Variants in PEX11G observed in about 807,000 individuals in gnomAD.
The protein encoded by PEX11G is peroxisomal biogenesis factor 11 gamma.
In PEX11G, 20 loss-of-function variants were observed where a neutral mutation model predicts 22.5. That is an observed-to-expected ratio of 0.89 (90% CI 0.62 to 1.29). The LOEUF is 1.29. PEX11G is among the 50% of genes most tolerant of loss of function. The probability of loss-of-function intolerance (pLI) is 0.00; values close to 1 mark genes in which losing one functional copy is unlikely to be tolerated. For missense variants in PEX11G, 347 were observed against 331.3 expected, an observed-to-expected ratio of 1.05 and a Z score of -0.37; for synonymous variants, 141 against 154.5, an observed-to-expected ratio of 0.91 and a Z score of 0.65.
rs115954471 is a variant in PEX11G at position 7,487,946 on chromosome 19, T to C, written c.60+1005A>G. Among the ~76,000 whole-genome samples the C allele has an allele frequency of 3.8e-3, 575 of 152,282 alleles. 3 individuals are homozygous for C. The highest frequency in any genetic ancestry group is 0.013 in the African/African-American group (545 of 41,554). ...CACCGCCTGGTACAACCTGAATGTC[T>C]ACCTATAAGAGACTGGTGGGGACAA... On this transcript the variant is annotated intron_variant, in intron 1 of 4. Coordinates refer to ENST00000221480, the MANE Select transcript of PEX11G (RefSeq NM_080662.4).
chr19:7,484,405 A>T (rs541496923), intron 2 of PEX11G, among the ~76,000 whole-genome samples: 5 of 152,020 alleles, frequency 3.3e-5, no homozygotes, highest in African/African-American at 1.2e-4. Context: ...CGTTAAGTGA[A>T]AAAAGCACTG....
chr19:7,484,284 G>A (rs576816405), intron 2 of PEX11G, among the ~76,000 whole-genome samples: 1 of 152,122 alleles, frequency 6.6e-6, no homozygotes, highest in African/African-American at 2.4e-5. Context: ...AGCCCGGGAA[G>A]TCAAGGCTGC....
At chr19:7,493,757 A>G (rs113552283), upstream of PEX11G, among the ~76,000 whole-genome samples, 16,935 of 151,422 alleles carry the variant, frequency 0.11, 1,661 homozygotes, top group African/African-American at 0.26. Context: ...TGTAATCCCA[A>G]TACTTTGGGA....
intron 1 of PEX11G, 74 bp from the exon 2 acceptor site, chr19:7,486,100 C>G: frequency 7.5e-7 from 1 of 1,327,394 alleles, no homozygotes; most frequent in Non-Finnish European, 1.0e-6. Flanking sequence ...CATACCTGGC[C>G]CCGGGCCCCG....
At chr19:7,493,506 TC>T (rs2021925413), upstream of PEX11G, among the ~76,000 whole-genome samples, 1 of 147,352 alleles carries the variant, frequency 6.8e-6, no homozygotes. Context: ...CTTTTTTTTT[TC>T]TTCTTGTTTG....
chr19:7,482,241 G>T (rs1003133757), intron 2 of PEX11G, 30 bp from the exon 3 acceptor site: 5 of 1,534,886 alleles, frequency 3.3e-6, no homozygotes, highest in Non-Finnish European at 2.6e-6. Context: ...GGGGGCCTAG[G>T]GTCAGACTTA....
At chr19:7,493,938 C>T (rs540700469), upstream of PEX11G, among the ~76,000 whole-genome samples, 74 of 149,690 alleles carry the variant, frequency 4.9e-4, no homozygotes, top group Middle Eastern at 3.5e-3. Context: ...GTCAGAGTCT[C>T]GCTCTGTCAC....
chr19:7,479,915 G>A (rs957486504), intron 3 of PEX11G, among the ~76,000 whole-genome samples: 51 of 152,110 alleles, frequency 3.4e-4, no homozygotes, highest in African/African-American at 1.2e-3. Context: ...GGGGTATATG[G>A]GAGCTCTCTG....
chr19:7,476,966 C>T lies in PEX11G; in HGVS notation c.*236G>A. On this transcript the variant is annotated 3_prime_UTR_variant, in exon 5 of 5. Transcript: ENST00000221480. ...CTCATCTTGATTTGGATACAAGACG[C>T]CAGCTGGCAGGCAGGAGGTGCTGCT... The T allele has an allele frequency of 2.4e-6, 1 of 413,038 alleles. No homozygotes were observed. The highest frequency in any genetic ancestry group is 4.3e-6 in the Non-Finnish European group (1 of 234,594). The allele number at this position is 413,038 out of a possible 1,614,324, so 25.6% of individuals were successfully genotyped here.
chr19:7,486,635 C>G (rs1006777853), intron 1 of PEX11G, among the ~76,000 whole-genome samples: 6 of 150,700 alleles, frequency 4.0e-5, no homozygotes, highest in African/African-American at 1.5e-4. Context: ...AGTCTTGCTC[C>G]GTCACCTAGG....
upstream of PEX11G, chr19:7,489,415 T>A: frequency 2.0e-6 from 2 of 1,013,424 alleles, no homozygotes; most frequent in Non-Finnish European, 1.2e-6. Context: ...CTGCACTGTC[T>A]GCCTGCCCGT....
At position 7,477,237 on chromosome 19, in the gene PEX11G, G is replaced by A. The variant is rs746318804; in HGVS notation, c.691C>T (p.Arg231Trp). 7.1e-6 allele frequency: 11 copies of A among 1,545,298 alleles called. No individual in the cohort carries two copies. Among genetic ancestry groups the A allele is most frequent in the Admixed American group, 6.4e-5 (3 of 46,976 alleles). Residue 231 changes from arginine to tryptophan, a missense_variant, in exon 5 of 5, where the codon CGG becomes TGG. Physicochemically the swap from Arg to Trp is moderately radical, Grantham distance 101. Coordinates refer to ENST00000221480, the MANE Select transcript of PEX11G (RefSeq NM_080662.4). ...GTGGCCTCGGCCTGGCCGCCGGCCC[G>A]GGCCGCCTGGTACATGCTGAGGATT... ...SSILSMYQAARAGGQAEATTP is the reference protein window; with the variant it reads ...SSILSMYQAAWAGGQAEATTP
At chr19:7,482,278 C>A in intron 2 of PEX11G, 67 bp from the exon 3 acceptor site, 1 of 1,451,908 alleles carries the variant, frequency 6.9e-7, no homozygotes, top group Non-Finnish European at 9.1e-7. Flanking sequence ...GCACCGTAGC[C>A]ATGCCAGGTG....
upstream of PEX11G, among the ~76,000 whole-genome samples, chr19:7,490,289 A>G (rs2021850822): frequency 6.6e-6 from 1 of 152,144 alleles, no homozygotes; most frequent in South Asian, 2.1e-4. Flanking sequence ...ATGTACACAT[A>G]AGGTACACAT....
chr19:7,488,874 C>A, intron 1 of PEX11G, 77 bp downstream of exon 1: 1 of 1,465,898 alleles, frequency 6.8e-7, no homozygotes, highest in East Asian at 2.5e-5. Flanking sequence ...GACCCCGTCC[C>A]CTCTCTGGCC....
chr19:7,487,328 C>G (rs1187140055), intron 1 of PEX11G, among the ~76,000 whole-genome samples: 2 of 152,206 alleles, frequency 1.3e-5, no homozygotes, highest in African/African-American at 4.8e-5. Flanking sequence ...CAGGCCTCAA[C>G]CCAGTGAACA....
At chr19:7,482,778 T>A (rs1461498720) in intron 2 of PEX11G, among the ~76,000 whole-genome samples, 1 of 152,128 alleles carries the variant, frequency 6.6e-6, no homozygotes, top group Non-Finnish European at 1.5e-5. Flanking sequence ...CCAGGCACAG[T>A]GCGGCAAGGC....
chr19:7,490,713 G>A (rs1196530836), upstream of PEX11G, among the ~76,000 whole-genome samples: 2 of 123,286 alleles, frequency 1.6e-5, no homozygotes, highest in Non-Finnish European at 3.2e-5. Flanking sequence ...ATTTGTAGAT[G>A]TGAAGCCGCC....
Position 7,482,162 on chromosome 19 carries a change from T to G in PEX11G, c.299A>C (p.Asp100Ala), listed in dbSNP as rs780880579. Residue 100 changes from aspartate to alanine, a missense_variant, in exon 3 of 5, where the codon GAC (aspartate) becomes GCC (alanine). Coordinates refer to ENST00000221480, the MANE Select transcript of PEX11G (RefSeq NM_080662.4). The stretch of plus-strand genomic sequence containing the variant: ...GTGCTCACAGGGGTAGTAGAGCTGG[T>G]CAGCCAGGTTCCCTAGGACGGAGAC... ...RCVSVLGNLA[D>A]QLYYPCEHVA... 7 of 1,587,424 alleles carry G rather than the reference T, an allele frequency of 4.4e-6. No homozygotes were observed. The highest frequency in any genetic ancestry group is 6.0e-6 in the Non-Finnish European group (7 of 1,167,686).
Sources: allele counts gnomAD v4.1 joint callset (sites outside exome capture counted in the v4.1 genomes callset), GRCh38; gene constraint gnomAD v4.1.1; transcripts MANE v1.5; gene names NCBI Gene and HGNC (gene_info 2026-07-23, HGNC 2026-07-21).